The following PELI2 variants were observed in gnomAD, a reference collection of about 807,000 sequenced individuals.
The protein encoded by PELI2 is E3 ubiquitin-protein ligase pellino homolog 2.
Under a neutral mutation model 42.3 loss-of-function variants are expected in PELI2, and 23 were observed. That is an observed-to-expected ratio of 0.54 (90% CI 0.39 to 0.77). The LOEUF is 0.77. Among genes scored for constraint, PELI2 ranks in the 30% least tolerant of loss-of-function variants. The pLI is 0.00. For missense variants in PELI2, 463 were observed against 553.2 expected (o/e 0.84, Z 1.64); for synonymous variants, 245 against 212.2 (o/e 1.15, Z -1.34).
intron 2 of PELI2, among the ~76,000 whole-genome samples, chr14:56,267,598 C>G (rs71414112): frequency 0.17 from 25,697 of 152,034 alleles, 2,543 homozygotes; most frequent in South Asian, 0.37. Context: ...ATACCAACTG[C>G]CAAAATATAT....
At chr14:56,148,583 C>T (rs374059972) in intron 1 of PELI2, among the ~76,000 whole-genome samples, 2 of 152,142 alleles carry the variant, frequency 1.3e-5, no homozygotes, top group Admixed American at 6.5e-5. Flanking sequence ...TTGTCTGCTC[C>T]GAACATATAC....
At chr14:56,161,116 A>T (rs1884745507) in intron 1 of PELI2, among the ~76,000 whole-genome samples, 1 of 152,208 alleles carries the variant, frequency 6.6e-6, no homozygotes, top group African/African-American at 2.4e-5. Context: ...GAAGACTGTT[A>T]TTAAGGTTCC....
chr14:56,145,431 C>A (rs1884078506), intron 1 of PELI2, among the ~76,000 whole-genome samples: 1 of 152,160 alleles, frequency 6.6e-6, no homozygotes, highest in Non-Finnish European at 1.5e-5. Context: ...CATAAATGTT[C>A]TTTTTGCCTC....
rs981745247 is a variant in PELI2, at chr14:56,180,069, C to T, written c.207+1605C>T. Among the ~76,000 whole-genome samples the T allele has an allele frequency of 2.0e-5, 3 of 152,090 alleles. No individual in the cohort carries two copies. On this transcript the variant is annotated intron_variant, in intron 2 of 5. Coordinates refer to ENST00000267460, the MANE Select transcript of PELI2 (RefSeq NM_021255.3). This position sits in a 1 kb window ranked among gnomAD's most constrained non-coding sequence, Gnocchi z 4.4. Reference sequence around the variant, plus strand: ...TAGCCTTTTATGTTTTACTTTTATACCTAGATTTTACTTCCAAGTTATTTA... The same window carrying T: ...TAGCCTTTTATGTTTTACTTTTATATCTAGATTTTACTTCCAAGTTATTTA...
At chr14:56,118,983 C>G (rs1882957871) in intron 1 of PELI2, 1 of 232,570 alleles carries the variant, frequency 4.3e-6, no homozygotes, top group Non-Finnish European at 8.2e-6. Context: ...AGGAAGTGGC[C>G]AGAACTCGGG....
chr14:56,189,083 C>T (rs1483628319), intron 2 of PELI2, among the ~76,000 whole-genome samples: 7 of 152,244 alleles, frequency 4.6e-5, no homozygotes, highest in African/African-American at 7.2e-5. Flanking sequence ...AGCTTGATCC[C>T]GGGTTGTGGA....
intron 2 of PELI2, among the ~76,000 whole-genome samples, chr14:56,268,784 T>C (rs1888996962): frequency 6.6e-6 from 1 of 151,814 alleles, no homozygotes; most frequent in South Asian, 2.1e-4. Flanking sequence ...CGATGCCTGC[T>C]GTGTGTGTGT....
chr14:56,294,065 G>A (rs1417024737), intron 5 of PELI2, among the ~76,000 whole-genome samples: 3 of 152,182 alleles, frequency 2.0e-5, no homozygotes, highest in Non-Finnish European at 4.4e-5. Context: ...CGGGGAAGGA[G>A]CATCAGCAAA....
At chr14:56,266,744 A>G in intron 2 of PELI2, among the ~76,000 whole-genome samples, 1 of 152,054 alleles carries the variant, frequency 6.6e-6, no homozygotes, top group East Asian at 1.9e-4. Context: ...GTTTCTAGGA[A>G]TTTGTCCTAT....
chr14:56,174,042 C>T (rs143325784), intron 1 of PELI2, among the ~76,000 whole-genome samples: 52 of 152,270 alleles, frequency 3.4e-4, no homozygotes, highest in African/African-American at 1.2e-3. Flanking sequence ...GCTGGGATTA[C>T]AGGCATGTGC....
chr14:56,274,891 G>A (rs1889235603), intron 2 of PELI2, among the ~76,000 whole-genome samples: 1 of 152,186 alleles, frequency 6.6e-6, no homozygotes, highest in African/African-American at 2.4e-5. Flanking sequence ...TAATTGCCCA[G>A]TTATATTTTA....
intron 2 of PELI2, among the ~76,000 whole-genome samples, chr14:56,260,709 G>A (rs1888681563): frequency 6.6e-6 from 1 of 152,332 alleles, no homozygotes; most frequent in African/African-American, 2.4e-5. Flanking sequence ...CCTTGTGTGA[G>A]TAAATAGTAC....
chr14:56,234,052 T>C (rs1477783020), intron 2 of PELI2, among the ~76,000 whole-genome samples: 1 of 152,174 alleles, frequency 6.6e-6, no homozygotes, highest in East Asian at 1.9e-4. Context: ...TACAATGAGA[T>C]ACCATCTCAC....
chr14:56,198,065 G>T (rs955728764), intron 2 of PELI2, among the ~76,000 whole-genome samples: 14 of 151,858 alleles, frequency 9.2e-5, no homozygotes, highest in African/African-American at 2.9e-4. Flanking sequence ...CAACTAGGAT[G>T]GTGGGAGTAG....
intron 1 of PELI2, among the ~76,000 whole-genome samples, chr14:56,121,288 A>G (rs1208067648): frequency 6.6e-6 from 1 of 151,462 alleles, no homozygotes; most frequent in East Asian, 1.9e-4. Flanking sequence ...TCACTTTCGA[A>G]TGTCATAGTG....
At chr14:56,245,009 T>C (rs1191779687) in intron 2 of PELI2, among the ~76,000 whole-genome samples, 4 of 152,322 alleles carry the variant, frequency 2.6e-5, no homozygotes, top group African/African-American at 9.6e-5. Flanking sequence ...GAAGCATAAA[T>C]GTTGGGCATA....
rs1207762567 is a variant in PELI2 at position 56,268,991 on chromosome 14, C to T, written c.208-10685C>T. On this transcript the variant is annotated intron_variant, in intron 2 of 5. Transcript: ENST00000267460. ...AAAAGGCAGAAGAACTTTGAAAGTCCTGATTGGTTTTCATTTATGGTAACT... is the reference window on the plus strand; with the variant it reads ...AAAAGGCAGAAGAACTTTGAAAGTCTTGATTGGTTTTCATTTATGGTAACT... Among the ~76,000 whole-genome samples, 3 of 152,094 alleles carry T rather than the reference C, an allele frequency of 2.0e-5. No homozygotes were observed. The East Asian group carries it at 5.8e-4, about 29-fold the overall frequency.
intron 1 of PELI2, among the ~76,000 whole-genome samples, chr14:56,126,968 GT>G (rs1883293930): frequency 6.6e-6 from 1 of 152,180 alleles, no homozygotes. Flanking sequence ...TTATTGAGTT[GT>G]TTTTTGTCTC....
chr14:56,161,510 C>T (rs1010593300), intron 1 of PELI2, among the ~76,000 whole-genome samples: 33 of 151,998 alleles, frequency 2.2e-4, no homozygotes, highest in Non-Finnish European at 2.1e-4. Context: ...CTTGACCTCG[C>T]GATCCATCCG....
Sources: allele counts gnomAD v4.1 joint callset (sites outside exome capture counted in the v4.1 genomes callset), GRCh38; gene constraint gnomAD v4.1.1; non-coding constraint Gnocchi (gnomAD v3.1); transcripts MANE v1.5; gene names NCBI Gene and HGNC (gene_info 2026-07-23, HGNC 2026-07-21).